ODF2L: variants seen among roughly 807,000 people sequenced by gnomAD.
ODF2L encodes the protein outer dense fiber of sperm tails 2 like.
In ODF2L, 76 loss-of-function variants were observed where a neutral mutation model predicts 86.3. The ratio of observed to expected loss-of-function variants is 0.88; its 90% CI spans 0.73 to 1.07. The LOEUF is 1.07. Among genes scored for constraint, ODF2L ranks in the 50% least tolerant of loss-of-function variants. The pLI is 0.00. For synonymous variants in ODF2L, 241 were observed against 231.3 expected, an observed-to-expected ratio of 1.04 and a Z score of -0.38; for missense variants, 748 against 717.4, an observed-to-expected ratio of 1.04 and a Z score of -0.49.
At chr1:86,354,617 G>A (rs1367144785) in exon 16 of ODF2L, 4 of 1,608,280 alleles carry the variant, frequency 2.5e-6, no homozygotes, top group Non-Finnish European at 3.4e-6. Context: ...TAAGATTGCT[G>A]TGCTTAAGAC....
chr1:86,387,061 A>G (rs952411927), exon 2 of ODF2L: 2 of 1,003,910 alleles, frequency 2.0e-6, no homozygotes, highest in East Asian at 2.7e-5. Flanking sequence ...GTGGCTTCAC[A>G]GCGACTTCTC....
intron 11 of ODF2L, among the ~76,000 whole-genome samples, chr1:86,363,872 A>G (rs1439171413): frequency 1.3e-5 from 2 of 152,086 alleles, no homozygotes; most frequent in South Asian, 2.1e-4. Flanking sequence ...CGGCCTTGAA[A>G]GCAGTACTCA....
intron 11 of ODF2L, among the ~76,000 whole-genome samples, chr1:86,364,859 C>T (rs150325926): frequency 2.6e-5 from 4 of 152,286 alleles, no homozygotes; most frequent in East Asian, 1.9e-4. Context: ...AATAAACATA[C>T]ATCTCTATCT....
rs1231234864 is a variant in ODF2L, at chr1:86,370,618, G to A, written c.1056+400C>T. Among the ~76,000 whole-genome samples the A allele has an allele frequency of 4.6e-5, 7 of 151,952 alleles. No individual in the cohort carries two copies. The East Asian group carries it at 9.6e-4, about 21-fold the overall frequency. ...CCCTGTCTCTCCTCTGGTACCTATGGAAAGCAATTACCCCTTGGATATGAG... is the reference window on the plus strand; with the variant it reads ...CCCTGTCTCTCCTCTGGTACCTATGAAAAGCAATTACCCCTTGGATATGAG... On this transcript the variant is annotated intron_variant, in intron 10 of 17. Transcript: ENST00000317336.
intron 7 of ODF2L, among the ~76,000 whole-genome samples, chr1:86,377,713 T>C (rs919287953): frequency 6.6e-6 from 1 of 152,218 alleles, no homozygotes; most frequent in African/African-American, 2.4e-5. Context: ...GAGCTATGCA[T>C]TGGCCCCTTT....
intron 1 of ODF2L, among the ~76,000 whole-genome samples, chr1:86,394,641 T>G (rs1661581445): frequency 6.6e-6 from 1 of 152,114 alleles, no homozygotes; most frequent in Non-Finnish European, 1.5e-5. Context: ...GATCACTAAA[T>G]TCCATTGTTC....
intron 11 of ODF2L, among the ~76,000 whole-genome samples, chr1:86,364,851 T>C (rs1258364018): frequency 2.0e-5 from 3 of 152,190 alleles, no homozygotes; most frequent in African/African-American, 2.4e-5. Context: ...TTCTACGTAA[T>C]AAACATACAT....
At chr1:86,368,969 G>A (rs1269280841) in intron 10 of ODF2L, among the ~76,000 whole-genome samples, 1 of 151,892 alleles carries the variant, frequency 6.6e-6, no homozygotes, top group Non-Finnish European at 1.5e-5. Flanking sequence ...TAACAACTAC[G>A]AAAAAACAGA....
At chr1:86,364,926 A>T (rs1473150685) in intron 11 of ODF2L, among the ~76,000 whole-genome samples, 1 of 152,230 alleles carries the variant, frequency 6.6e-6, no homozygotes, top group Non-Finnish European at 1.5e-5. Flanking sequence ...ATCTTAACTA[A>T]GACTTGCTGA....
chr1:86,386,973 T>C, exon 2 of ODF2L: 1 of 1,595,706 alleles, frequency 6.3e-7, no homozygotes, highest in Non-Finnish European at 8.5e-7. Context: ...GATATAGTTT[T>C]AAGATGGCAA....
chr1:86,382,389 A>G, intron 6 of ODF2L, 31 bp from the exon 7 acceptor site: 4 of 1,606,308 alleles, frequency 2.5e-6, no homozygotes, highest in Non-Finnish European at 3.4e-6. Flanking sequence ...AAACCAAAAA[A>G]ATCCATATTA....
chr1:86,369,826 G>A (rs1659673621), intron 10 of ODF2L, among the ~76,000 whole-genome samples: 4 of 152,084 alleles, frequency 2.6e-5, no homozygotes. Flanking sequence ...GACCTACATA[G>A]AAAGAAGGGT....
intron 8 of ODF2L, among the ~76,000 whole-genome samples, chr1:86,375,929 T>C (rs1028709925): frequency 6.6e-6 from 1 of 152,172 alleles, no homozygotes; most frequent in African/African-American, 2.4e-5. Context: ...GGGAAATATG[T>C]ATGAAGTATT....
At chr1:86,374,730 T>C (rs746157924) in intron 8 of ODF2L, among the ~76,000 whole-genome samples, 1 of 152,204 alleles carries the variant, frequency 6.6e-6, no homozygotes, top group Non-Finnish European at 1.5e-5. Context: ...TAGTAACTAG[T>C]GACCTTCTAA....
At chr1:86,369,697 GC>G (rs1659664237) in intron 10 of ODF2L, among the ~76,000 whole-genome samples, 1 of 152,122 alleles carries the variant, frequency 6.6e-6, no homozygotes, top group South Asian at 2.1e-4. Flanking sequence ...ACACTGTACT[GC>G]ATAACACTAT....
chr1:86,386,546 TG>T (rs1240699039), intron 2 of ODF2L: 1 of 169,570 alleles, frequency 5.9e-6, no homozygotes, highest in African/African-American at 2.4e-5. Context: ...CTACCACATC[TG>T]GCTAATTTTT....
chr1:86,352,962 AT>A lies in ODF2L; in HGVS notation c.1789del (p.Met597CysfsTer13). 1 of 1,522,732 alleles carries A rather than the reference AT, an allele frequency of 6.6e-7. No individual in the cohort carries two copies. The highest frequency in any genetic ancestry group is 9.0e-7 in the Non-Finnish European group (1 of 1,109,908). The allele number at this position is 1,522,732 out of a possible 1,614,324, so 94.3% of individuals were successfully genotyped here. A position where few individuals can be genotyped will look rare whatever the true frequency, so the allele number is the denominator to read the frequency against. On this transcript the variant is annotated frameshift_variant, in exon 17 of 18. Transcript: ENST00000317336. LOFTEE classifies it high-confidence loss of function. The stretch of plus-strand genomic sequence containing the variant: ...TTGTAAAGCACTCTCTCTAGATGAC[AT>A]TTTCTCTATTTCTTCAGCAACCTGT...
exon 8 of ODF2L, chr1:86,376,251 A>C (rs149406232): frequency 6.2e-7 from 1 of 1,608,512 alleles, no homozygotes; most frequent in Non-Finnish European, 8.5e-7. Flanking sequence ...TAATTTGGGA[A>C]GTAAGCTTTT....
intron 1 of ODF2L, among the ~76,000 whole-genome samples, chr1:86,394,577 A>G (rs1661573527): frequency 6.6e-6 from 1 of 152,208 alleles, no homozygotes; most frequent in Non-Finnish European, 1.5e-5. Flanking sequence ...GTGATGAATG[A>G]GCTAGCTAAA....
Sources: gnomAD v4.1 joint callset for allele counts (sites outside exome capture counted in the v4.1 genomes callset) on GRCh38, gnomAD v4.1.1 for gene constraint, MANE v1.5 for transcripts, NCBI Gene and HGNC (gene_info 2026-07-23, HGNC 2026-07-21) for gene names.